TTLL11: variants seen among roughly 807,000 people sequenced by gnomAD.
TTLL11 encodes tubulin tyrosine ligase like 11, also known as tubulin polyglutamylase TTLL11.
A neutral mutation model predicts 51.7 loss-of-function variants in TTLL11; 42 were observed. The observed-to-expected ratio is 0.81, with a 90% confidence interval of 0.64 to 1.05. TTLL11 has a LOEUF of 1.05. TTLL11 is among the 50% of genes least tolerant of loss of function. The pLI is 0.00. For missense variants in TTLL11, 799 were observed against 940.4 expected, an observed-to-expected ratio of 0.85 and a Z score of 1.97; for synonymous variants, 381 against 383.5, an observed-to-expected ratio of 0.99 and a Z score of 0.08.
chr9:121,857,332 T>G (rs1157725581), intron 8 of TTLL11, among the ~76,000 whole-genome samples: 1 of 152,214 alleles, frequency 6.6e-6, no homozygotes. Context: ...GAACAAGCAC[T>G]GCTTGGTGTA....
intron 6 of TTLL11, among the ~76,000 whole-genome samples, chr9:121,883,430 G>A (rs1195978143): frequency 6.6e-6 from 1 of 152,158 alleles, no homozygotes. Context: ...TCTGCAGCTA[G>A]GGATGTTGGG....
At chr9:121,863,647 C>T (rs1406346507) in intron 7 of TTLL11, among the ~76,000 whole-genome samples, 1 of 152,164 alleles carries the variant, frequency 6.6e-6, no homozygotes, top group Non-Finnish European at 1.5e-5. Context: ...ATGCTGGCTG[C>T]GGTAGGCAGG....
At chr9:121,966,906 G>A (rs1842415082) in intron 6 of TTLL11, among the ~76,000 whole-genome samples, 1 of 152,182 alleles carries the variant, frequency 6.6e-6, no homozygotes, top group African/African-American at 2.4e-5. Context: ...GTCACCATGA[G>A]CATGATTTTA....
At chr9:122,033,652 AAACATCTGGG>A (rs1161150547) in intron 2 of TTLL11, among the ~76,000 whole-genome samples, 2 of 152,204 alleles carry the variant, frequency 1.3e-5, no homozygotes, top group Non-Finnish European at 2.9e-5. Context: ...AGAAAAGGGT[AAACATCTGGG>A]AAGGAAAGTT....
At chr9:121,967,019 C>A (rs576016894) in intron 6 of TTLL11, among the ~76,000 whole-genome samples, 2 of 152,222 alleles carry the variant, frequency 1.3e-5, no homozygotes, top group Admixed American at 1.3e-4. Context: ...CATATCATGA[C>A]CATGACAATC....
chr9:122,009,686 AT>A (rs1000107773), intron 3 of TTLL11, among the ~76,000 whole-genome samples: 3 of 151,802 alleles, frequency 2.0e-5, no homozygotes, highest in African/African-American at 7.2e-5. Flanking sequence ...ATATATATAT[AT>A]ATGACTTTAA....
intron 6 of TTLL11, among the ~76,000 whole-genome samples, chr9:121,952,750 C>T (rs901077624): frequency 4.6e-5 from 7 of 152,286 alleles, no homozygotes; most frequent in Admixed American, 3.9e-4. Context: ...CTGCTGCCCT[C>T]CAGAGCCTGG....
At chr9:122,032,766 T>C (rs1487846802) in intron 2 of TTLL11, among the ~76,000 whole-genome samples, 2 of 151,884 alleles carry the variant, frequency 1.3e-5, no homozygotes, top group Non-Finnish European at 2.9e-5. Flanking sequence ...TAAAAATTAT[T>C]ATCAATTTTA....
chr9:122,002,222 C>T (rs1466674481), intron 3 of TTLL11, among the ~76,000 whole-genome samples: 1 of 152,222 alleles, frequency 6.6e-6, no homozygotes, highest in Non-Finnish European at 1.5e-5. Context: ...TGTTCATTTG[C>T]AAGGAAACCT....
At chr9:122,005,709 TAAC>T (rs1268596892) in intron 3 of TTLL11, among the ~76,000 whole-genome samples, 2 of 152,198 alleles carry the variant, frequency 1.3e-5, no homozygotes, top group Non-Finnish European at 2.9e-5. Flanking sequence ...TCCAGCAATA[TAAC>T]AACATGTTCT....
intron 8 of TTLL11, among the ~76,000 whole-genome samples, chr9:121,845,095 CAA>C (rs1482805203): frequency 1.3e-5 from 2 of 151,908 alleles, no homozygotes; most frequent in Admixed American, 1.3e-4. Context: ...AAACCAGAGA[CAA>C]AGAGAAAATC....
intron 3 of TTLL11, among the ~76,000 whole-genome samples, chr9:121,994,585 G>T (rs1476165269): frequency 6.6e-6 from 1 of 152,196 alleles, no homozygotes; most frequent in Non-Finnish European, 1.5e-5. Flanking sequence ...CAGGCAGGCA[G>T]ATTCCAGAGC....
chr9:122,068,363 A>C (rs529394109), intron 1 of TTLL11, among the ~76,000 whole-genome samples: 67 of 152,330 alleles, frequency 4.4e-4, no homozygotes, highest in African/African-American at 1.4e-3. Context: ...TATAGGTGGG[A>C]TGTACTGGTC....
chr9:121,896,614 GGTT>G (rs1471200679), intron 6 of TTLL11, among the ~76,000 whole-genome samples: 1 of 152,240 alleles, frequency 6.6e-6, no homozygotes, highest in African/African-American at 2.4e-5. Context: ...CTGGGTCCGA[GGTT>G]GCATAGATGG....
chr9:122,039,907 C>T (rs867413366), intron 1 of TTLL11, among the ~76,000 whole-genome samples: 22 of 151,884 alleles, frequency 1.4e-4, no homozygotes, highest in African/African-American at 5.1e-4. Context: ...CACACACATA[C>T]ACACACACAT....
chr9:121,852,939 T>G (rs1837708791), intron 8 of TTLL11, among the ~76,000 whole-genome samples: 1 of 152,212 alleles, frequency 6.6e-6, no homozygotes, highest in African/African-American at 2.4e-5. Flanking sequence ...ATCCGAGGCC[T>G]CCTGTATTTC....
At chr9:122,015,023 C>A (rs1220888219) in intron 3 of TTLL11, among the ~76,000 whole-genome samples, 1 of 152,176 alleles carries the variant, frequency 6.6e-6, no homozygotes, top group African/African-American at 2.4e-5. Flanking sequence ...GAGCAAGTAC[C>A]TGTGATTCTG....
intron 4 of TTLL11, among the ~76,000 whole-genome samples, chr9:121,984,199 G>A (rs552677150): frequency 1.3e-5 from 2 of 152,274 alleles, no homozygotes; most frequent in East Asian, 1.9e-4. Flanking sequence ...AGGCTAAGGA[G>A]ATGGTTTTCA....
At chr9:121,839,574 T>C (rs774723536) in intron 8 of TTLL11, among the ~76,000 whole-genome samples, 3 of 152,128 alleles carry the variant, frequency 2.0e-5, no homozygotes, top group African/African-American at 7.2e-5. Flanking sequence ...TCTTTCTTGA[T>C]TGTCTTTAAG....
Sources: allele counts gnomAD v4.1 joint callset (sites outside exome capture counted in the v4.1 genomes callset), GRCh38; gene constraint gnomAD v4.1.1; transcripts MANE v1.5; gene names NCBI Gene and HGNC (gene_info 2026-07-23, HGNC 2026-07-21).